N4BP2L2: variants seen among roughly 807,000 people sequenced by gnomAD.
N4BP2L2 encodes NEDD4-binding protein 2-like 2.
N4BP2L2 carries 50 observed loss-of-function variants against 56.2 expected under a neutral mutation model. The observed-to-expected ratio is 0.89, with a 90% CI of 0.71 to 1.13. The LOEUF is 1.13. Ranked by LOEUF, N4BP2L2 falls within the 50% of genes most tolerant of loss-of-function variation. The probability of loss-of-function intolerance (pLI) is 0.00; values close to 1 mark genes in which losing one functional copy is unlikely to be tolerated. For synonymous variants in N4BP2L2, 203 were observed against 223.6 expected (o/e 0.91, Z 0.82); for missense variants, 689 against 693.8 (o/e 0.99, Z 0.08).
At chr13:32,516,727 T>C (rs2049293937) in exon 6 of N4BP2L2, 1 of 234,418 alleles carries the variant, frequency 4.3e-6, no homozygotes, top group Non-Finnish European at 7.0e-6. Context: ...AAAAAGTAAA[T>C]CAAAACTGTT....
chr13:32,447,436 A>T (rs1203552376), intron 6 of N4BP2L2, among the ~76,000 whole-genome samples: 1 of 152,196 alleles, frequency 6.6e-6, no homozygotes. Flanking sequence ...GTGAGAAGGG[A>T]TCACATTCTG....
chr13:32,499,073 G>A (rs2089450702), intron 6 of N4BP2L2, among the ~76,000 whole-genome samples: 2 of 150,674 alleles, frequency 1.3e-5, no homozygotes, highest in South Asian at 2.1e-4. Flanking sequence ...TTGCCTCTAA[G>A]CCTTTGATTA....
At chr13:32,517,014 T>C (rs1254979681) in exon 6 of N4BP2L2, 17 of 970,194 alleles carry the variant, frequency 1.8e-5, no homozygotes, top group Non-Finnish European at 2.1e-5. Flanking sequence ...GTACAAATCC[T>C]CTTATGACCA....
intron 6 of N4BP2L2, chr13:32,480,595 T>G: frequency 7.8e-7 from 1 of 1,282,858 alleles, no homozygotes; most frequent in Non-Finnish European, 1.0e-6. Context: ...CTCACCTGAG[T>G]TGCTGTCTTA....
At chr13:32,433,504 C>T (rs1235219909) in intron 9 of N4BP2L2, among the ~76,000 whole-genome samples, 17 of 151,952 alleles carry the variant, frequency 1.1e-4, no homozygotes, top group African/African-American at 3.4e-4. Flanking sequence ...GGTGTTGTGG[C>T]GGGCTGTAAT....
intron 2 of N4BP2L2, among the ~76,000 whole-genome samples, chr13:32,531,664 G>A (rs539061974): frequency 1.1e-4 from 17 of 152,066 alleles, no homozygotes; most frequent in Non-Finnish European, 2.1e-4. Flanking sequence ...TGGAGTTAAG[G>A]AGACCTACCT....
At chr13:32,501,691 C>T (rs758266886) in intron 6 of N4BP2L2, among the ~76,000 whole-genome samples, 4 of 151,670 alleles carry the variant, frequency 2.6e-5, no homozygotes, top group African/African-American at 4.8e-5. Context: ...GGTGGGCACC[C>T]GTAGTCTCAG....
intron 6 of N4BP2L2, among the ~76,000 whole-genome samples, chr13:32,473,823 G>A (rs947849808): frequency 3.3e-5 from 5 of 152,108 alleles, no homozygotes; most frequent in African/African-American, 1.2e-4. Flanking sequence ...GGACCCTTGT[G>A]ATAACACTGG....
At chr13:32,439,856 C>A (rs1264485248) in intron 7 of N4BP2L2, among the ~76,000 whole-genome samples, 2,148 of 104,910 alleles carry the variant, frequency 0.02, 107 homozygotes, top group African/African-American at 0.07. Context: ...ATTAAGAATC[C>A]AAAAAAAAAA....
chr13:32,533,096 T>A (rs776407728), intron 2 of N4BP2L2, among the ~76,000 whole-genome samples: 13 of 152,194 alleles, frequency 8.5e-5, no homozygotes, highest in Non-Finnish European at 1.9e-4. Flanking sequence ...TATAGTAGTT[T>A]CTAAATTTTA....
At chr13:32,501,462 T>C (rs766037661) in intron 6 of N4BP2L2, among the ~76,000 whole-genome samples, 3 of 151,734 alleles carry the variant, frequency 2.0e-5, no homozygotes, top group Non-Finnish European at 4.4e-5. Context: ...AATAGGTTTG[T>C]GTGGGCTGCC....
exon 7 of N4BP2L2, chr13:32,443,543 A>C: frequency 6.2e-7 from 1 of 1,610,324 alleles, no homozygotes; most frequent in Non-Finnish European, 8.5e-7. Flanking sequence ...GGTTCATGTG[A>C]GAGATTTTTA....
downstream of N4BP2L2, chr13:32,507,468 T>C (rs1445804881): frequency 6.6e-6 from 1 of 152,128 alleles, no homozygotes; most frequent in Non-Finnish European, 1.5e-5. Flanking sequence ...GTGAACAAAA[T>C]AAACATGTCC....
At chr13:32,467,024 T>C (rs775422409) in intron 6 of N4BP2L2, among the ~76,000 whole-genome samples, 3 of 152,226 alleles carry the variant, frequency 2.0e-5, no homozygotes, top group Non-Finnish European at 2.9e-5. Flanking sequence ...TCAATATCCT[T>C]GTAGATAAAA....
At chr13:32,446,292 C>T in intron 6 of N4BP2L2, 1 of 1,136,344 alleles carries the variant, frequency 8.8e-7, no homozygotes, top group East Asian at 5.1e-5. Flanking sequence ...GATGGGGCCT[C>T]TATAAAAAGG....
At chr13:32,521,108 C>T (rs772278504) in intron 5 of N4BP2L2, among the ~76,000 whole-genome samples, 5 of 152,180 alleles carry the variant, frequency 3.3e-5, no homozygotes, top group Admixed American at 6.5e-5. Context: ...TATAATACTA[C>T]GGTCCTGTAG....
chr13:32,476,774 A>G (rs1175651794), intron 6 of N4BP2L2, among the ~76,000 whole-genome samples: 1 of 152,198 alleles, frequency 6.6e-6, no homozygotes, highest in Non-Finnish European at 1.5e-5. Flanking sequence ...CACATTCACT[A>G]TTTATAAAGA....
downstream of N4BP2L2, chr13:32,508,718 T>G (rs1221789209): frequency 1.3e-5 from 2 of 152,192 alleles, no homozygotes; most frequent in African/African-American, 4.8e-5. Flanking sequence ...TACCAGCTAT[T>G]CTTGATTGCT....
At chr13:32,473,767 C>T (rs2082745520) in intron 6 of N4BP2L2, among the ~76,000 whole-genome samples, 1 of 152,190 alleles carries the variant, frequency 6.6e-6, no homozygotes, top group Admixed American at 6.5e-5. Context: ...CCCATAGTCA[C>T]GTTTCCCTCT....
Sources: allele counts gnomAD v4.1 joint callset (sites outside exome capture counted in the v4.1 genomes callset), GRCh38; gene constraint gnomAD v4.1.1; transcripts MANE v1.5; gene names NCBI Gene and HGNC (gene_info 2026-07-23, HGNC 2026-07-21).